The following GABRA3 variants were observed in gnomAD, a reference collection of about 807,000 sequenced individuals.
GABRA3 encodes the protein gamma-aminobutyric acid receptor subunit alpha-3.
In GABRA3, 10 loss-of-function variants were observed where a neutral mutation model predicts 30.1. The observed-to-expected ratio is 0.33, with a 90% confidence interval of 0.20 to 0.56. GABRA3 has a LOEUF of 0.56. Among genes scored for constraint, GABRA3 ranks in the 20% least tolerant of loss-of-function variants. The pLI is 0.89. For synonymous variants in GABRA3, 151 were observed against 146.8 expected, an observed-to-expected ratio of 1.03 and a Z score of -0.21; for missense variants, 233 against 392.0, an observed-to-expected ratio of 0.59 and a Z score of 3.42.
intron 4 of GABRA3, among the ~76,000 whole-genome samples, chrX:152,282,158 C>T (rs745756154): frequency 9.8e-5 from 11 of 111,686 alleles, no homozygotes; most frequent in African/African-American, 2.6e-4. Flanking sequence ...AAAGTGGCAG[C>T]GTAATTTTCC....
chrX:152,233,943 A>C (rs185437958), intron 5 of GABRA3, among the ~76,000 whole-genome samples: 1,810 of 105,777 alleles, frequency 0.017, 27 homozygotes, highest in Non-Finnish European at 0.025. Context: ...AACTATTGCA[A>C]GCACAAAAAA....
intron 1 of GABRA3, among the ~76,000 whole-genome samples, chrX:152,409,994 T>C (rs1283617386): frequency 1.8e-5 from 2 of 112,167 alleles, no homozygotes; most frequent in Admixed American, 1.9e-4. Context: ...GTAAAGGAAA[T>C]GTGGGACATA....
intron 1 of GABRA3, among the ~76,000 whole-genome samples, chrX:152,381,176 G>A (rs1382819983): frequency 8.9e-6 from 1 of 111,851 alleles, no homozygotes; most frequent in Non-Finnish European, 1.9e-5. Flanking sequence ...TTCTTGCACG[G>A]CCTACAGAAC....
intron 2 of GABRA3, among the ~76,000 whole-genome samples, chrX:152,354,368 T>C (rs1940520153): frequency 9.0e-6 from 1 of 111,729 alleles, no homozygotes; most frequent in Non-Finnish European, 1.9e-5. Context: ...CATATATTAA[T>C]AACTTAGAAT....
intron 5 of GABRA3, among the ~76,000 whole-genome samples, chrX:152,242,552 C>A (rs1296258963): frequency 9.0e-6 from 1 of 111,707 alleles, no homozygotes. Flanking sequence ...ATAAGGAACT[C>A]AAACAACAAT....
chrX:152,274,827 A>G (rs903830560), intron 4 of GABRA3, among the ~76,000 whole-genome samples: 35 of 108,957 alleles, frequency 3.2e-4, no homozygotes, highest in African/African-American at 9.0e-4. Flanking sequence ...GAAACAGAAA[A>G]CAAAAATAAA....
At chrX:152,375,042 C>G (rs6627231) in intron 1 of GABRA3, among the ~76,000 whole-genome samples, 27,913 of 110,463 alleles carry the variant, frequency 0.25, 2,826 homozygotes, top group Admixed American at 0.37. Flanking sequence ...TAGGAAGAAT[C>G]AATACCATGA....
At chrX:152,171,953 G>T (rs1210574765) in intron 9 of GABRA3, among the ~76,000 whole-genome samples, 2 of 111,821 alleles carry the variant, frequency 1.8e-5, no homozygotes, top group African/African-American at 3.3e-5. Flanking sequence ...CTCTAAAGGT[G>T]AAGCTCAACT....
At chrX:152,367,535 C>A (rs769857443) in intron 1 of GABRA3, among the ~76,000 whole-genome samples, 10 of 111,788 alleles carry the variant, frequency 8.9e-5, no homozygotes, top group Admixed American at 2.9e-4. Flanking sequence ...TGATGACTTG[C>A]AAATTAATAT....
chrX:152,424,928 CTTT>C (rs747255822), intron 1 of GABRA3, among the ~76,000 whole-genome samples: 44 of 42,326 alleles, frequency 1.0e-3, no homozygotes, highest in East Asian at 3.7e-3. Context: ...TTTTTCTTTT[CTTT>C]TTTTTTTTTT....
At chrX:152,213,624 T>C (rs779968416) in intron 6 of GABRA3, among the ~76,000 whole-genome samples, 100 of 111,789 alleles carry the variant, frequency 8.9e-4, no homozygotes, top group Non-Finnish European at 1.7e-3. Context: ...TGCAAAGTCT[T>C]CTACGTGGTA....
intron 4 of GABRA3, among the ~76,000 whole-genome samples, chrX:152,256,919 T>C (rs1938646179): frequency 9.0e-6 from 1 of 111,520 alleles, no homozygotes; most frequent in South Asian, 3.7e-4. Flanking sequence ...TACAACACCC[T>C]TACTGGCTCA....
chrX:152,226,860 A>G (rs1293293856), intron 5 of GABRA3, among the ~76,000 whole-genome samples: 92 of 111,927 alleles, frequency 8.2e-4, no homozygotes, highest in African/African-American at 2.5e-3. Flanking sequence ...TTAGAATGGC[A>G]ATCATTAAAA....
chrX:152,175,063 G>C (rs995621311), intron 9 of GABRA3, among the ~76,000 whole-genome samples: 1 of 111,916 alleles, frequency 8.9e-6, no homozygotes, highest in African/African-American at 3.2e-5. Flanking sequence ...TTTCCCCATT[G>C]CTTGTTTTTG....
chrX:152,254,916 A>G (rs1267660293), intron 5 of GABRA3, among the ~76,000 whole-genome samples: 1 of 111,912 alleles, frequency 8.9e-6, no homozygotes, highest in African/African-American at 3.2e-5. Flanking sequence ...AAGCAAACCC[A>G]AAAACCAAGA....
At chrX:152,340,909 G>C (rs1181491574) in intron 3 of GABRA3, among the ~76,000 whole-genome samples, 1 of 111,115 alleles carries the variant, frequency 9.0e-6, no homozygotes, top group Non-Finnish European at 1.9e-5. Context: ...TTGGGTACAA[G>C]TGTTTTTGGT....
At chrX:152,234,770 C>T (rs1042495608) in intron 5 of GABRA3, among the ~76,000 whole-genome samples, 10 of 111,532 alleles carry the variant, frequency 9.0e-5, no homozygotes, top group African/African-American at 3.2e-4. Context: ...TCTCAAAGAT[C>T]GATTGGCTGT....
At chrX:152,239,223 C>T (rs764333288) in intron 5 of GABRA3, among the ~76,000 whole-genome samples, 1 of 101,353 alleles carries the variant, frequency 9.9e-6, no homozygotes, top group Admixed American at 1.1e-4. Flanking sequence ...CAAAGAACAT[C>T]TTTATTTCTG....
chrX:152,175,824 G>A (rs1486168526), intron 9 of GABRA3, among the ~76,000 whole-genome samples: 2 of 110,876 alleles, frequency 1.8e-5, no homozygotes, highest in Admixed American at 9.7e-5. Context: ...CAGCACTTTG[G>A]GAGGCCAAGG....
Sources: allele counts gnomAD v4.1 joint callset (sites outside exome capture counted in the v4.1 genomes callset), GRCh38; gene constraint gnomAD v4.1.1; transcripts MANE v1.5; gene names NCBI Gene and HGNC (gene_info 2026-07-23, HGNC 2026-07-21).